The following SEMA5A variants were observed in gnomAD, a reference collection of about 807,000 sequenced individuals.
SEMA5A encodes semaphorin 5A, also known as semaphorin-5A.
A neutral mutation model predicts 135.5 loss-of-function variants in SEMA5A; 55 were observed. That is an observed-to-expected ratio of 0.41 (90% CI 0.33 to 0.51). The LOEUF is 0.51. Among genes scored for constraint, SEMA5A ranks in the 20% least tolerant of loss-of-function variants. SEMA5A has a pLI of 0.37. For synonymous variants in SEMA5A, 580 were observed against 546.5 expected (o/e 1.06, Z -0.85); for missense variants, 1,290 against 1,419.9 (o/e 0.91, Z 1.47).
intron 4 of SEMA5A, among the ~76,000 whole-genome samples, chr5:9,331,436 T>C (rs564585575): frequency 1.3e-5 from 2 of 152,352 alleles, no homozygotes; most frequent in Admixed American, 1.3e-4. Flanking sequence ...TTGAGGAGGC[T>C]TCACTGTCTT....
At chr5:9,477,794 A>T (rs1417138662) in intron 1 of SEMA5A, among the ~76,000 whole-genome samples, 2 of 152,250 alleles carry the variant, frequency 1.3e-5, no homozygotes, top group Non-Finnish European at 2.9e-5. Context: ...AGAACATAAA[A>T]GATTGGAAAA....
chr5:9,108,251 C>T lies in SEMA5A; in HGVS notation c.1962G>A (p.Met654Ile). The change falls in exon 16 of 23, where the codon ATG becomes ATA. Residue 654 changes from methionine to isoleucine, a missense_variant. Physicochemically the swap from Met to Ile is conservative, Grantham distance 10. This residue lies in a region of SEMA5A where 1,029 missense variants were observed against 1,086.6 expected (regional missense o/e 0.95). Transcript: ENST00000382496. ...CNEHLLCPPH[M>I]FWTGWGPWER... Reference sequence around the variant, plus strand: ...CCCAAGGACCCCAGCCTGTCCAGAACATGTGTGGGGGACATAGCAAATGTT... The same window carrying T: ...CCCAAGGACCCCAGCCTGTCCAGAATATGTGTGGGGGACATAGCAAATGTT... 1 of 1,614,182 alleles carries T rather than the reference C, an allele frequency of 6.2e-7. No homozygotes were observed. The highest frequency in any genetic ancestry group is 8.5e-7 in the Non-Finnish European group (1 of 1,180,028).
chr5:9,404,089 C>T (rs1756780500), intron 2 of SEMA5A, among the ~76,000 whole-genome samples: 1 of 152,150 alleles, frequency 6.6e-6, no homozygotes, highest in African/African-American at 2.4e-5. Context: ...TGCATGCCAC[C>T]ATGCCAGGCT....
At chr5:9,086,344 G>A (rs1184170125) in intron 16 of SEMA5A, among the ~76,000 whole-genome samples, 3 of 152,112 alleles carry the variant, frequency 2.0e-5, no homozygotes, top group Non-Finnish European at 4.4e-5. Flanking sequence ...TTATTCCCAC[G>A]TGTTGTGGGA....
intron 16 of SEMA5A, among the ~76,000 whole-genome samples, chr5:9,102,198 A>G (rs778502744): frequency 6.6e-5 from 10 of 152,208 alleles, no homozygotes; most frequent in African/African-American, 9.6e-5. Context: ...AAAACTGTCA[A>G]TCTCTCTCAG....
chr5:9,242,541 C>T (rs1189007167), intron 5 of SEMA5A, among the ~76,000 whole-genome samples: 2 of 152,158 alleles, frequency 1.3e-5, no homozygotes, highest in African/African-American at 4.8e-5. Context: ...CTTATGTTCT[C>T]ACTGGTATGT....
intron 4 of SEMA5A, among the ~76,000 whole-genome samples, chr5:9,336,716 A>G (rs749171132): frequency 6.6e-6 from 1 of 152,172 alleles, no homozygotes; most frequent in Non-Finnish European, 1.5e-5. Context: ...AAGATCCAAG[A>G]GCAAAAGCAA....
chr5:9,334,303 T>G (rs959748653), intron 4 of SEMA5A, among the ~76,000 whole-genome samples: 1 of 152,236 alleles, frequency 6.6e-6, no homozygotes, highest in Non-Finnish European at 1.5e-5. Context: ...TTATCTAAAC[T>G]TACTCTTGCT....
chr5:9,123,258 C>CAAAAAAAAAAAAAAAA lies in SEMA5A; in HGVS notation c.1600-437_1600-422dup, dbSNP rs57533658. 2.8e-4 allele frequency among the ~76,000 whole-genome samples: 11 copies of CAAAAAAAAAAAAAAAA among 38,942 alleles called. 1 individual carries two copies. The highest frequency in any genetic ancestry group is 4.5e-4 in the African/African-American group (7 of 15,434). 25.5% of individuals were successfully genotyped at this position (38,942 alleles called of 152,430 possible). A position where few individuals can be genotyped will look rare whatever the true frequency, so the allele number is the denominator to read the frequency against. On this transcript the variant is annotated intron_variant, in intron 13 of 22. Coordinates refer to ENST00000382496, the MANE Select transcript of SEMA5A (RefSeq NM_003966.3). ...TGAGGGAAGGAGCGAGACTCCGCCT[C>CAAAAAAAAAAAAAAAA]AAAAAAAAAAAAAAAAAAAAAAAAA...
At chr5:9,283,533 C>T (rs371809740) in intron 5 of SEMA5A, among the ~76,000 whole-genome samples, 1 of 152,160 alleles carries the variant, frequency 6.6e-6, no homozygotes, top group African/African-American at 2.4e-5. Context: ...CTAACCTATA[C>T]TCAACTGATT....
At chr5:9,284,115 A>AGAGG (rs1413664915) in intron 5 of SEMA5A, among the ~76,000 whole-genome samples, 4 of 151,916 alleles carry the variant, frequency 2.6e-5, no homozygotes, top group Non-Finnish European at 5.9e-5. Context: ...TTAGAGAGAG[A>AGAGG]GAGAGAGAGA....
intron 16 of SEMA5A, among the ~76,000 whole-genome samples, chr5:9,075,218 C>T (rs1349639409): frequency 6.6e-6 from 1 of 152,210 alleles, no homozygotes; most frequent in Non-Finnish European, 1.5e-5. Context: ...ATCTCATACA[C>T]TGCTGATAGC....
intron 3 of SEMA5A, among the ~76,000 whole-genome samples, chr5:9,350,948 CT>C (rs1372452566): frequency 6.6e-6 from 1 of 152,190 alleles, no homozygotes; most frequent in Non-Finnish European, 1.5e-5. Flanking sequence ...GACAGTGGTA[CT>C]GGAGACCACC....
At chr5:9,343,048 C>T (rs1387387824) in intron 3 of SEMA5A, among the ~76,000 whole-genome samples, 1 of 152,198 alleles carries the variant, frequency 6.6e-6, no homozygotes, top group Non-Finnish European at 1.5e-5. Context: ...AAAATCACTA[C>T]GCACTCAGTT....
intron 3 of SEMA5A, among the ~76,000 whole-genome samples, chr5:9,365,551 G>A (rs1196068446): frequency 6.6e-6 from 1 of 152,044 alleles, no homozygotes; most frequent in East Asian, 1.9e-4. Context: ...GAGTGTTTCA[G>A]CACCATTTAA....
At chr5:9,382,421 C>T (rs571721701) in intron 2 of SEMA5A, among the ~76,000 whole-genome samples, 1 of 151,952 alleles carries the variant, frequency 6.6e-6, no homozygotes. Flanking sequence ...AGGAAAGAGG[C>T]CTTCTTTAAA....
intron 17 of SEMA5A, among the ~76,000 whole-genome samples, chr5:9,063,330 G>C (rs1737286058): frequency 6.6e-6 from 1 of 152,182 alleles, no homozygotes; most frequent in African/African-American, 2.4e-5. Context: ...TTGAAATTAA[G>C]AACTCCATGT....
chr5:9,533,287 C>CT (rs1431406915), intron 1 of SEMA5A, among the ~76,000 whole-genome samples: 7 of 152,148 alleles, frequency 4.6e-5, no homozygotes, highest in South Asian at 2.1e-4. Flanking sequence ...GAGACATGCT[C>CT]CTAGTTACAA....
chr5:9,272,106 AT>A (rs1284971698), intron 5 of SEMA5A, among the ~76,000 whole-genome samples: 2 of 152,028 alleles, frequency 1.3e-5, no homozygotes, highest in Admixed American at 6.5e-5. Context: ...GCAACCTAAG[AT>A]CTACTGGCTG....
Sources: gnomAD v4.1 joint callset for allele counts (sites outside exome capture counted in the v4.1 genomes callset) on GRCh38, gnomAD v4.1.1 for gene constraint, gnomAD v4.1.1 regional missense constraint, MANE v1.5 for transcripts, NCBI Gene and HGNC (gene_info 2026-07-23, HGNC 2026-07-21) for gene names.